The following SGK3 variants were observed in gnomAD, a reference collection of about 807,000 sequenced individuals.
SGK3 encodes serum/glucocorticoid regulated kinase family member 3.
A neutral mutation model predicts 68.5 loss-of-function variants in SGK3; 47 were observed. The observed-to-expected ratio is 0.69, with a 90% CI of 0.54 to 0.87. The LOEUF (loss-of-function observed/expected upper bound fraction) is 0.87, where lower values mean the gene tolerates loss of function less well. Among genes scored for constraint, SGK3 ranks in the 40% least tolerant of loss-of-function variants. The pLI is 0.00. For missense variants in SGK3, 479 were observed against 575.5 expected, an observed-to-expected ratio of 0.83 and a Z score of 1.72; for synonymous variants, 181 against 189.1, an observed-to-expected ratio of 0.96 and a Z score of 0.35.
At chr8:66,843,584 T>C in intron 14 of SGK3, 37 bp downstream of exon 14, 1 of 1,581,698 alleles carries the variant, frequency 6.3e-7, no homozygotes, top group Non-Finnish European at 8.7e-7. Flanking sequence ...CAATGTATTA[T>C]CATTGATTTG....
chr8:66,841,616 T>G (rs1809800271), intron 13 of SGK3, among the ~76,000 whole-genome samples: 1 of 152,142 alleles, frequency 6.6e-6, no homozygotes, highest in Non-Finnish European at 1.5e-5. Context: ...GGCAAAATAT[T>G]AACACTTGAC....
chr8:66,824,677 A>G (rs1808980841), intron 6 of SGK3, among the ~76,000 whole-genome samples: 1 of 152,228 alleles, frequency 6.6e-6, no homozygotes, highest in African/African-American at 2.4e-5. Context: ...GATCTGTTAA[A>G]AACAATATTA....
chr8:66,781,283 C>A (rs973822890), intron 1 of SGK3, among the ~76,000 whole-genome samples: 1 of 152,200 alleles, frequency 6.6e-6, no homozygotes, highest in South Asian at 2.1e-4. Flanking sequence ...GGTTCTGGAC[C>A]AAGTGGAGGG....
chr8:66,811,110 A>G (rs915280638), intron 4 of SGK3, among the ~76,000 whole-genome samples: 3 of 152,266 alleles, frequency 2.0e-5, no homozygotes, highest in African/African-American at 7.2e-5. Flanking sequence ...TCTGCCTCCC[A>G]ACTCAGGTGA....
chr8:66,826,862 C>T (rs1458900605), intron 6 of SGK3, among the ~76,000 whole-genome samples: 1 of 151,962 alleles, frequency 6.6e-6, no homozygotes, highest in Admixed American at 6.5e-5. Context: ...CCAGGCTGAT[C>T]TCGAACTCCT....
chr8:66,792,492 G>C (rs1422995022), intron 1 of SGK3, among the ~76,000 whole-genome samples: 1 of 152,076 alleles, frequency 6.6e-6, no homozygotes, highest in Non-Finnish European at 1.5e-5. Flanking sequence ...ATCATTACCT[G>C]AATATAATTT....
chr8:66,746,470 G>A (rs1467305136), intron 1 of SGK3, among the ~76,000 whole-genome samples: 2 of 152,178 alleles, frequency 1.3e-5, no homozygotes, highest in Non-Finnish European at 2.9e-5. Flanking sequence ...CAGTTACTCA[G>A]GGAGGGGAGG....
At chr8:66,737,474 GGTATC>G (rs1440505378) in intron 1 of SGK3, 1 of 152,078 alleles carries the variant, frequency 6.6e-6, no homozygotes, top group Non-Finnish European at 1.5e-5. Flanking sequence ...TTGAACCTCA[GGTATC>G]TGACTTTAGC....
At chr8:66,849,048 T>C (rs532281185) in intron 15 of SGK3, among the ~76,000 whole-genome samples, 1 of 152,328 alleles carries the variant, frequency 6.6e-6, no homozygotes, top group African/African-American at 2.4e-5. Flanking sequence ...TTATTTCCTG[T>C]GTAAGCTCCT....
At chr8:66,794,357 G>T (rs1428161035) in intron 2 of SGK3, among the ~76,000 whole-genome samples, 1 of 151,910 alleles carries the variant, frequency 6.6e-6, no homozygotes, top group East Asian at 1.9e-4. Context: ...CTCAATCTGT[G>T]TATCAGTTTT....
At chr8:66,858,776 C>T (rs1810629739) in intron 16 of SGK3, among the ~76,000 whole-genome samples, 1 of 152,070 alleles carries the variant, frequency 6.6e-6, no homozygotes, top group African/African-American at 2.4e-5. Flanking sequence ...CATTATGAGA[C>T]CTTTTTTGCA....
chr8:66,744,842 GGGACCTTTT>G (rs1805606355), intron 1 of SGK3, among the ~76,000 whole-genome samples: 1 of 150,422 alleles, frequency 6.6e-6, no homozygotes. Context: ...AGTTGTGTGT[GGGACCTTTT>G]GGATTGGTCC....
At chr8:66,715,378 C>T (rs1391560399) in intron 1 of SGK3, among the ~76,000 whole-genome samples, 1 of 152,160 alleles carries the variant, frequency 6.6e-6, no homozygotes, top group Non-Finnish European at 1.5e-5. Flanking sequence ...CTGCCTCAGC[C>T]TCCCGAGTAG....
intron 5 of SGK3, among the ~76,000 whole-genome samples, chr8:66,816,521 T>C (rs568081771): frequency 1.3e-5 from 2 of 151,950 alleles, no homozygotes; most frequent in East Asian, 1.9e-4. Context: ...AATTTTTGTA[T>C]TTTTAGTAGA....
At chr8:66,783,379 C>T (rs750611323) in intron 1 of SGK3, among the ~76,000 whole-genome samples, 1 of 152,138 alleles carries the variant, frequency 6.6e-6, no homozygotes, top group Non-Finnish European at 1.5e-5. Flanking sequence ...GTATCTTCTG[C>T]AAATGTTTTC....
intron 15 of SGK3, among the ~76,000 whole-genome samples, chr8:66,848,335 T>C (rs1390792622): frequency 6.6e-6 from 1 of 152,200 alleles, no homozygotes; most frequent in African/African-American, 2.4e-5. Context: ...GTGAACCTCG[T>C]CTGTGCTTCC....
chr8:66,852,438 C>T (rs1031600490), intron 16 of SGK3, among the ~76,000 whole-genome samples: 21 of 151,846 alleles, frequency 1.4e-4, no homozygotes, highest in African/African-American at 4.8e-4. Flanking sequence ...TGCGCCACCA[C>T]GCCCAGCTAA....
intron 1 of SGK3, 100 bp downstream of exon 1, chr8:66,712,933 C>T (rs1034771476): frequency 6.6e-6 from 1 of 152,020 alleles, no homozygotes; most frequent in African/African-American, 2.4e-5. Context: ...CGGGCCTCGG[C>T]CGCTGCCTGT....
chr8:66,834,468 T>C (rs1809427227), intron 8 of SGK3, among the ~76,000 whole-genome samples: 1 of 139,934 alleles, frequency 7.1e-6, no homozygotes, highest in Non-Finnish European at 1.6e-5. Context: ...TGGCAGGGTT[T>C]TGTTTTGTTT....
Sources: allele counts gnomAD v4.1 joint callset (sites outside exome capture counted in the v4.1 genomes callset), GRCh38; gene constraint gnomAD v4.1.1; transcripts MANE v1.5; gene names NCBI Gene and HGNC (gene_info 2026-07-23, HGNC 2026-07-21).